The following IGF2BP2 variants were observed in gnomAD, a reference collection of about 807,000 sequenced individuals.
IGF2BP2 encodes the protein insulin-like growth factor 2 mRNA-binding protein 2.
IGF2BP2 carries 17 observed loss-of-function variants against 75.8 expected under a neutral mutation model. The ratio of observed to expected loss-of-function variants is 0.22; its 90% CI spans 0.15 to 0.34. IGF2BP2 has a LOEUF of 0.34. IGF2BP2 is among the 10% of genes least tolerant of loss of function. The probability of loss-of-function intolerance (pLI) is 1.00; values close to 1 mark genes in which losing one functional copy is unlikely to be tolerated. For missense variants in IGF2BP2, 516 were observed against 772.4 expected (o/e 0.67, Z 3.93); for synonymous variants, 288 against 295.6 (o/e 0.97, Z 0.26).
At chr3:185,755,204 C>G (rs1731456234) in intron 2 of IGF2BP2, among the ~76,000 whole-genome samples, 2 of 152,208 alleles carry the variant, frequency 1.3e-5, no homozygotes, top group Admixed American at 1.3e-4. Context: ...CCCTGCACCA[C>G]CTCAGGAGGC....
chr3:185,679,419 A>G (rs1458685769), intron 7 of IGF2BP2, among the ~76,000 whole-genome samples: 1 of 151,150 alleles, frequency 6.6e-6, no homozygotes, highest in South Asian at 2.1e-4. Flanking sequence ...TAACATCTTT[A>G]TATGTTTTTA....
intron 2 of IGF2BP2, among the ~76,000 whole-genome samples, chr3:185,765,104 T>G (rs562171912): frequency 2.0e-5 from 3 of 152,310 alleles, no homozygotes; most frequent in African/African-American, 7.2e-5. Flanking sequence ...GACTTAGGAA[T>G]GAATGTAAGC....
intron 2 of IGF2BP2, among the ~76,000 whole-genome samples, chr3:185,760,129 A>G (rs1732159348): frequency 6.6e-6 from 1 of 152,172 alleles, no homozygotes; most frequent in Admixed American, 6.5e-5. Flanking sequence ...AATGTCCCCA[A>G]TTGTCTTATA....
chr3:185,813,823 G>A (rs546632362), intron 2 of IGF2BP2, among the ~76,000 whole-genome samples: 4 of 152,354 alleles, frequency 2.6e-5, no homozygotes, highest in African/African-American at 9.6e-5. Flanking sequence ...CAATGGGGCT[G>A]CAGGCAGGCC....
intron 7 of IGF2BP2, among the ~76,000 whole-genome samples, chr3:185,676,866 GAT>G (rs199619288): frequency 4.8e-4 from 62 of 129,208 alleles, no homozygotes; most frequent in South Asian, 1.5e-3. Flanking sequence ...ATATTTACTG[GAT>G]ATATATATAT....
intron 2 of IGF2BP2, among the ~76,000 whole-genome samples, chr3:185,767,449 G>A (rs538740859): frequency 1.3e-5 from 2 of 152,236 alleles, no homozygotes; most frequent in African/African-American, 4.8e-5. Flanking sequence ...CTGTAGTTAT[G>A]TAAATAAATT....
chr3:185,821,030 T>C, intron 2 of IGF2BP2: 1 of 1,535,744 alleles, frequency 6.5e-7, no homozygotes, highest in Non-Finnish European at 8.7e-7. Flanking sequence ...TAGAAAGCCA[T>C]CAACGTGGTA....
At chr3:185,725,712 C>G (rs533755635) in intron 2 of IGF2BP2, among the ~76,000 whole-genome samples, 5 of 152,276 alleles carry the variant, frequency 3.3e-5, no homozygotes, top group Admixed American at 2.6e-4. Flanking sequence ...TGACTCACAT[C>G]CGTAATCCCA....
chr3:185,735,871 G>A (rs1038054201), intron 2 of IGF2BP2, among the ~76,000 whole-genome samples: 2 of 152,204 alleles, frequency 1.3e-5, no homozygotes, highest in Non-Finnish European at 2.9e-5. Context: ...TGTTGAATGA[G>A]TGAATGAATG....
At chr3:185,809,984 C>T (rs954644081) in intron 2 of IGF2BP2, among the ~76,000 whole-genome samples, 4 of 152,112 alleles carry the variant, frequency 2.6e-5, no homozygotes, top group Non-Finnish European at 4.4e-5. Context: ...TTTGCAGAAG[C>T]GTTAAGATCC....
chr3:185,790,791 T>C (rs1370569641), intron 2 of IGF2BP2, among the ~76,000 whole-genome samples: 1 of 152,118 alleles, frequency 6.6e-6, no homozygotes, highest in Non-Finnish European at 1.5e-5. Context: ...TAGCAGAATA[T>C]TCAAAAAAGA....
intron 12 of IGF2BP2, 98 bp from the exon 13 acceptor site, chr3:185,652,266 CA>C: frequency 9.9e-7 from 1 of 1,012,768 alleles, no homozygotes; most frequent in South Asian, 1.6e-5. Flanking sequence ...CAGGAGGTTC[CA>C]GGTCTTGCTT....
intron 9 of IGF2BP2, 57 bp downstream of exon 9, chr3:185,675,239 T>C (rs112602382): frequency 1.9e-6 from 3 of 1,562,732 alleles, no homozygotes; most frequent in African/African-American, 1.4e-5. Flanking sequence ...ATTAGCTGAA[T>C]GGCAAGTATT....
At chr3:185,754,550 T>C (rs902235003) in intron 2 of IGF2BP2, among the ~76,000 whole-genome samples, 1 of 152,010 alleles carries the variant, frequency 6.6e-6, no homozygotes, top group African/African-American at 2.4e-5. Flanking sequence ...GGGCAGAGGA[T>C]GGAAGAGTTT....
rs1347386900 is a variant in IGF2BP2 at position 185,647,495 on chromosome 3, A to G, written c.1594-357T>C. On this transcript the variant is annotated intron_variant, in intron 14 of 15. Transcript: ENST00000382199. This position sits in a 1 kb window ranked among gnomAD's most constrained non-coding sequence, Gnocchi z 4.9. ...CCCCACTCCCCACCCCTACCCTGTA[A>G]GATCATTCCTCCTGGACATGCTGTC... 2.0e-5 allele frequency among the ~76,000 whole-genome samples: 3 copies of G among 152,014 alleles called. No individual in the cohort carries two copies.
At chr3:185,785,502 C>T (rs1735774580) in intron 2 of IGF2BP2, among the ~76,000 whole-genome samples, 1 of 151,868 alleles carries the variant, frequency 6.6e-6, no homozygotes, top group African/African-American at 2.4e-5. Flanking sequence ...TGACAAACTT[C>T]TAAAGGATTT....
intron 2 of IGF2BP2, among the ~76,000 whole-genome samples, chr3:185,802,514 G>A (rs188594107): frequency 7.9e-5 from 12 of 152,336 alleles, no homozygotes; most frequent in Admixed American, 3.9e-4. Context: ...CTAATGCATC[G>A]TAGTGGGTGC....
rs776879939 is a variant in IGF2BP2 at position 185,657,300 on chromosome 3, C to T, written c.1372G>A (p.Gly458Arg). Residue 458 changes from glycine to arginine, a missense_variant, in exon 12 of 16, where the codon GGA becomes AGA. By Grantham distance (125) the Gly-to-Arg change is moderately radical (BLOSUM62 -2). Transcript: ENST00000382199. ...AHIKQLARFA[G>R]ASIKIAPAEG... The stretch of plus-strand genomic sequence containing the variant: ...AGCAGCCTCACCTTGATAGAGGCTC[C>T]GGCGAATCTCGCCAGCTGTTTGATG... The T allele has an allele frequency of 1.7e-5, 27 of 1,612,864 alleles. No individual in the cohort carries two copies. Among genetic ancestry groups the T allele is most frequent in the African/African-American group, 9.3e-5 (7 of 74,898 alleles).
At chr3:185,790,082 C>T (rs559298437) in intron 2 of IGF2BP2, among the ~76,000 whole-genome samples, 2 of 152,240 alleles carry the variant, frequency 1.3e-5, no homozygotes, top group South Asian at 2.1e-4. Flanking sequence ...CTGACCTAGA[C>T]GACAATGTGC....
Sources: allele counts gnomAD v4.1 joint callset (sites outside exome capture counted in the v4.1 genomes callset), GRCh38; gene constraint gnomAD v4.1.1; non-coding constraint Gnocchi (gnomAD v3.1); transcripts MANE v1.5; gene names NCBI Gene and HGNC (gene_info 2026-07-23, HGNC 2026-07-21).